Variants in MACROD2 observed in about 807,000 individuals in gnomAD.
MACROD2 encodes the protein ADP-ribose glycohydrolase MACROD2.
Under a neutral mutation model 70.4 loss-of-function variants are expected in MACROD2, and 36 were observed. The ratio of observed to expected loss-of-function variants is 0.51; its 90% CI spans 0.39 to 0.68. MACROD2 has a LOEUF of 0.68. Ranked by LOEUF, MACROD2 falls within the 30% of genes least tolerant of loss-of-function variation. The pLI is 0.00. For missense variants in MACROD2, 496 were observed against 538.4 expected, an observed-to-expected ratio of 0.92 and a Z score of 0.78; for synonymous variants, 172 against 178.8, an observed-to-expected ratio of 0.96 and a Z score of 0.30.
intron 3 of MACROD2, among the ~76,000 whole-genome samples, chr20:14,182,007 G>A (rs1441886302): frequency 1.3e-5 from 2 of 152,198 alleles, no homozygotes; most frequent in Admixed American, 6.5e-5. Flanking sequence ...AGATACCCAG[G>A]AGTGGAATTG....
intron 6 of MACROD2, among the ~76,000 whole-genome samples, chr20:15,302,123 A>AATTGAAACC (rs2077650477): frequency 6.6e-6 from 1 of 152,108 alleles, no homozygotes; most frequent in Non-Finnish European, 1.5e-5. Flanking sequence ...GGCCCCTCCC[A>AATTGAAACC]AAGGGCTCAA....
chr20:14,468,605 C>T (rs551904918), intron 3 of MACROD2, among the ~76,000 whole-genome samples: 6 of 151,948 alleles, frequency 3.9e-5, no homozygotes, highest in South Asian at 2.1e-4. Flanking sequence ...CTCCGCCTCC[C>T]GGGTTCAAGC....
chr20:15,656,055 G>A (rs2049725930), intron 8 of MACROD2, among the ~76,000 whole-genome samples: 1 of 152,046 alleles, frequency 6.6e-6, no homozygotes, highest in African/African-American at 2.4e-5. Context: ...ACTCCGTGGT[G>A]GATTTAACTC....
intron 8 of MACROD2, among the ~76,000 whole-genome samples, chr20:15,771,784 T>A (rs978088924): frequency 6.6e-6 from 1 of 151,864 alleles, no homozygotes. Context: ...ACATCTAAGA[T>A]AGTTTTAAAA....
intron 5 of MACROD2, among the ~76,000 whole-genome samples, chr20:14,825,849 T>C (rs1210448061): frequency 6.6e-6 from 1 of 152,190 alleles, no homozygotes; most frequent in Non-Finnish European, 1.5e-5. Flanking sequence ...GGGCTCATTA[T>C]GGATTATAGG....
intron 5 of MACROD2, among the ~76,000 whole-genome samples, chr20:15,212,198 C>T (rs2076770026): frequency 6.6e-6 from 1 of 152,184 alleles, no homozygotes; most frequent in African/African-American, 2.4e-5. Flanking sequence ...CTCCTTAAAT[C>T]TATTAAAAGA....
chr20:15,338,454 A>AT (rs1007947110), intron 6 of MACROD2, among the ~76,000 whole-genome samples: 21 of 146,542 alleles, frequency 1.4e-4, no homozygotes, highest in East Asian at 9.9e-4. Context: ...AACAACCTGG[A>AT]TTTTTTTTTT....
intron 3 of MACROD2, among the ~76,000 whole-genome samples, chr20:14,361,016 A>G (rs1223260974): frequency 6.6e-6 from 1 of 152,208 alleles, no homozygotes; most frequent in Non-Finnish European, 1.5e-5. Flanking sequence ...CAAAGACCAT[A>G]ATAATACTGA....
intron 3 of MACROD2, among the ~76,000 whole-genome samples, chr20:14,334,957 G>A (rs2082910998): frequency 6.6e-6 from 1 of 152,026 alleles, no homozygotes; most frequent in East Asian, 1.9e-4. Flanking sequence ...TGACTGAAAT[G>A]GCAACTATAA....
intron 3 of MACROD2, among the ~76,000 whole-genome samples, chr20:14,309,206 C>T (rs2082545346): frequency 1.3e-5 from 2 of 152,004 alleles, no homozygotes; most frequent in African/African-American, 2.4e-5. Flanking sequence ...TACCCAAGAC[C>T]GAGGGACAGT....
chr20:14,658,534 C>T (rs1345147524), intron 4 of MACROD2, among the ~76,000 whole-genome samples: 1 of 152,206 alleles, frequency 6.6e-6, no homozygotes. Context: ...ACAATCTAAA[C>T]CCAGTACTAT....
intron 2 of MACROD2, among the ~76,000 whole-genome samples, chr20:14,022,401 A>C (rs2053097009): frequency 6.6e-6 from 1 of 152,010 alleles, no homozygotes; most frequent in Non-Finnish European, 1.5e-5. Context: ...TAAATTGATT[A>C]AATTATTCCT....
At chr20:14,724,012 G>A (rs1218023078) in intron 5 of MACROD2, among the ~76,000 whole-genome samples, 1 of 152,072 alleles carries the variant, frequency 6.6e-6, no homozygotes, top group African/African-American at 2.4e-5. Flanking sequence ...AACTAAGATA[G>A]CTTTGCTCTC....
chr20:15,883,581 TAATA>T (rs996320033), intron 9 of MACROD2, among the ~76,000 whole-genome samples: 1 of 103,494 alleles, frequency 9.7e-6, no homozygotes, highest in Non-Finnish European at 2.0e-5. Context: ...TTCCTCTGAC[TAATA>T]AATCTCTAAT....
intron 8 of MACROD2, among the ~76,000 whole-genome samples, chr20:15,579,701 A>G (rs1417995588): frequency 6.6e-6 from 1 of 152,250 alleles, no homozygotes; most frequent in Non-Finnish European, 1.5e-5. Context: ...AATGCAATGC[A>G]TACAGTGTAG....
chr20:14,384,587 T>G (rs901768650), intron 3 of MACROD2, among the ~76,000 whole-genome samples: 1 of 152,102 alleles, frequency 6.6e-6, no homozygotes, highest in African/African-American at 2.4e-5. Flanking sequence ...ATGTCATGAG[T>G]GATGTGACCA....
At chr20:15,622,365 A>G (rs1178325104) in intron 8 of MACROD2, among the ~76,000 whole-genome samples, 2 of 152,144 alleles carry the variant, frequency 1.3e-5, no homozygotes, top group South Asian at 2.1e-4. Context: ...TTTTCTTTTC[A>G]CAGTTTCAGT....
chr20:15,333,424 T>C (rs1015350222), intron 6 of MACROD2, among the ~76,000 whole-genome samples: 3 of 151,682 alleles, frequency 2.0e-5, no homozygotes, highest in African/African-American at 7.3e-5. Context: ...GTAGGTAGTT[T>C]AGATTTTTGA....
At chr20:14,840,567 A>G (rs1248558846) in intron 5 of MACROD2, among the ~76,000 whole-genome samples, 1 of 151,956 alleles carries the variant, frequency 6.6e-6, no homozygotes, top group Admixed American at 6.6e-5. Flanking sequence ...TTTCCTCTGT[A>G]GGTACTTGTT....
Sources: gnomAD v4.1 joint callset for allele counts (sites outside exome capture counted in the v4.1 genomes callset) on GRCh38, gnomAD v4.1.1 for gene constraint, MANE v1.5 for transcripts, NCBI Gene and HGNC (gene_info 2026-07-23, HGNC 2026-07-21) for gene names.